The following KIFAP3 variants were observed in gnomAD, a reference collection of about 807,000 sequenced individuals.
The protein encoded by KIFAP3 is kinesin associated protein 3, also known as kinesin-associated protein 3.
KIFAP3 carries 68 observed loss-of-function variants against 106.5 expected under a neutral mutation model. The observed-to-expected ratio is 0.64, with a 90% CI of 0.53 to 0.78. The LOEUF is 0.78. KIFAP3 is among the 30% of genes least tolerant of loss of function. The pLI is 0.00. For missense variants in KIFAP3, 780 were observed against 941.8 expected (o/e 0.83, Z 2.25); for synonymous variants, 320 against 311.5 (o/e 1.03, Z -0.29).
chr1:170,012,822 C>CT (rs1199118598), intron 10 of KIFAP3, among the ~76,000 whole-genome samples: 2 of 152,134 alleles, frequency 1.3e-5, no homozygotes, highest in African/African-American at 4.8e-5. Flanking sequence ...AAAATTACAT[C>CT]TTACATGGTG....
intron 9 of KIFAP3, among the ~76,000 whole-genome samples, chr1:170,023,642 T>C (rs748361736): frequency 6.6e-6 from 1 of 152,110 alleles, no homozygotes; most frequent in Admixed American, 6.5e-5. Context: ...TAGGTTAATA[T>C]ATGATATATT....
At chr1:169,966,468 A>C (rs78356183) in intron 17 of KIFAP3, among the ~76,000 whole-genome samples, 1 of 5,586 alleles carries the variant, frequency 1.8e-4, no homozygotes, top group Non-Finnish European at 1.1e-3. Context: ...AAATGGCAAA[A>C]AAAAAAAAAA....
chr1:169,986,599 T>C (rs1435637567), intron 11 of KIFAP3, among the ~76,000 whole-genome samples: 1 of 151,994 alleles, frequency 6.6e-6, no homozygotes, highest in Admixed American at 6.6e-5. Flanking sequence ...ACTACCTATC[T>C]GCCCAATAAA....
At chr1:169,985,588 G>A (rs985110250) in intron 11 of KIFAP3, among the ~76,000 whole-genome samples, 1 of 151,848 alleles carries the variant, frequency 6.6e-6, no homozygotes, top group African/African-American at 2.4e-5. Flanking sequence ...TTGAGTTTAA[G>A]CTGCTTATGT....
intron 7 of KIFAP3, among the ~76,000 whole-genome samples, chr1:170,034,104 A>AC (rs1256620910): frequency 6.6e-6 from 1 of 151,776 alleles, no homozygotes; most frequent in Non-Finnish European, 1.5e-5. Flanking sequence ...TTAGAGGCTC[A>AC]CCTACTAAGT....
At position 170,060,661 on chromosome 1, in the gene KIFAP3, T is replaced by C. The variant is rs1326838539; in HGVS notation, c.33-5225A>G. ...TCTTCACAGAATTGGAAAAAATTACTTTAAAGTTCACATGGAACCAAAAAA... is the reference window on the plus strand; with the variant it reads ...TCTTCACAGAATTGGAAAAAATTACCTTAAAGTTCACATGGAACCAAAAAA... On this transcript the variant is annotated intron_variant, in intron 1 of 19. Transcript: ENST00000361580. Among the ~76,000 whole-genome samples the C allele has an allele frequency of 2.0e-5, 3 of 152,174 alleles. No individual in the cohort carries two copies. The East Asian group carries it at 5.8e-4, about 29-fold the overall frequency.
At chr1:169,926,854 T>A (rs1300180166) in intron 19 of KIFAP3, among the ~76,000 whole-genome samples, 1 of 152,160 alleles carries the variant, frequency 6.6e-6, no homozygotes, top group Non-Finnish European at 1.5e-5. Context: ...AACCAGTCTT[T>A]GTGATCCATC....
intron 18 of KIFAP3, among the ~76,000 whole-genome samples, chr1:169,959,120 C>T (rs1280737417): frequency 6.6e-6 from 1 of 152,114 alleles, no homozygotes; most frequent in Non-Finnish European, 1.5e-5. Context: ...CAGAAACAGC[C>T]TAAATTTTCA....
intron 8 of KIFAP3, among the ~76,000 whole-genome samples, chr1:170,030,903 T>G (rs1019923736): frequency 6.6e-6 from 1 of 151,784 alleles, no homozygotes. Context: ...TATTTACATA[T>G]GTTAAAATTT....
intron 6 of KIFAP3, among the ~76,000 whole-genome samples, 158 bp from the exon 7 acceptor site, chr1:170,034,654 G>A (rs1419138676): frequency 1.3e-5 from 2 of 151,830 alleles, no homozygotes; most frequent in Non-Finnish European, 1.5e-5. Flanking sequence ...GAAGACTTGC[G>A]ATTATAAAAT....
In KIFAP3 at chr1:169,998,397, TATACACAC is replaced by T. The variant is rs1457318313; in HGVS notation, c.1184-6150_1184-6143del. The stretch of plus-strand genomic sequence containing the variant: ...GCTTCACCAGATATATATATATATA[TATACACAC>T]ACACACACACACACACACACACACA... On this transcript the variant is annotated intron_variant, in intron 10 of 19. Transcript: ENST00000361580. Among the ~76,000 whole-genome samples the T allele has an allele frequency of 5.5e-3, 426 of 77,904 alleles. 1 individual carries two copies. Among genetic ancestry groups the T allele is most frequent in the African/African-American group, 0.023 (410 of 17,800 alleles). 51.1% of individuals were successfully genotyped at this position (77,904 alleles called of 152,430 possible).
At chr1:169,959,708 ATTATGAAAGTTAGCTATCAATC>A (rs1665214085) in intron 18 of KIFAP3, among the ~76,000 whole-genome samples, 1 of 152,180 alleles carries the variant, frequency 6.6e-6, no homozygotes. Context: ...TAATTGATTC[ATTATGAAAGTTAGCTATCAATC>A]TTCAAAGCAA....
Position 169,992,246 on chromosome 1 carries a change from T to C in KIFAP3, c.1193A>G (p.Asn398Ser), listed in dbSNP as rs1414575084. The change falls in exon 11 of 20, where the codon AAC becomes AGC. Residue 398 changes from asparagine to serine, a missense_variant. Asn to Ser is a conservative substitution (Grantham distance 46, BLOSUM62 1). This residue lies in a region of KIFAP3 where 588 missense variants were observed against 678.9 expected (regional missense o/e 0.87). Transcript: ENST00000361580. ...AACACACATTGCTATTTGTTTGTAG[T>C]TGTCATTGCCTAGGAATAAAACATC... is the stretch of plus-strand genomic sequence containing the variant. ...PKLTALLGND[N>S]YKQIAMCVLY... 3.2e-6 allele frequency: 5 copies of C among 1,561,508 alleles called. No individual in the cohort carries two copies. The highest frequency in any genetic ancestry group is 4.3e-6 in the Non-Finnish European group (5 of 1,153,380).
At chr1:170,042,764 T>A (rs770409949) in intron 3 of KIFAP3, among the ~76,000 whole-genome samples, 14 of 152,216 alleles carry the variant, frequency 9.2e-5, no homozygotes, top group Non-Finnish European at 1.6e-4. Context: ...TTGGCTACCT[T>A]CTTGGAGACC....
At chr1:170,059,105 A>G (rs1271176852) in intron 1 of KIFAP3, among the ~76,000 whole-genome samples, 1 of 152,194 alleles carries the variant, frequency 6.6e-6, no homozygotes, top group Non-Finnish European at 1.5e-5. Context: ...TCACAATTAA[A>G]AGAACTAGAG....
At chr1:169,929,795 GGGA>G (rs1187142583) in intron 19 of KIFAP3, among the ~76,000 whole-genome samples, 3 of 151,948 alleles carry the variant, frequency 2.0e-5, no homozygotes, top group Admixed American at 2.0e-4. Flanking sequence ...TATGAGTAGT[GGGA>G]GGCTGTATTT....
At chr1:170,074,907 A>G (rs1272390391), upstream of KIFAP3, among the ~76,000 whole-genome samples, 3 of 152,290 alleles carry the variant, frequency 2.0e-5, no homozygotes, top group South Asian at 4.1e-4. Context: ...TTGAAAGGAG[A>G]GAGGGGAATC....
At chr1:169,955,775 G>C (rs187411835) in intron 18 of KIFAP3, among the ~76,000 whole-genome samples, 22 of 152,134 alleles carry the variant, frequency 1.4e-4, no homozygotes, top group African/African-American at 4.8e-4. Flanking sequence ...TTAAGAGATT[G>C]CTTGAGTTTC....
chr1:169,944,488 C>T (rs1664317257), intron 19 of KIFAP3, among the ~76,000 whole-genome samples: 1 of 152,130 alleles, frequency 6.6e-6, no homozygotes, highest in Non-Finnish European at 1.5e-5. Context: ...ACAGCTCTTC[C>T]CTCCTTCTCG....
Sources: allele counts gnomAD v4.1 joint callset (sites outside exome capture counted in the v4.1 genomes callset), GRCh38; gene constraint gnomAD v4.1.1; regional missense constraint gnomAD v4.1.1; transcripts MANE v1.5; gene names NCBI Gene and HGNC (gene_info 2026-07-23, HGNC 2026-07-21).